The following GPHN variants were observed in gnomAD, a reference collection of about 807,000 sequenced individuals.
GPHN encodes gephyrin.
In GPHN, 17 loss-of-function variants were observed where a neutral mutation model predicts 95.5. The ratio of observed to expected loss-of-function variants is 0.18; its 90% CI spans 0.12 to 0.27. GPHN has a LOEUF of 0.27. Ranked by LOEUF, GPHN falls within the 10% of genes least tolerant of loss-of-function variation. The probability of loss-of-function intolerance (pLI) is 1.00; values close to 1 mark genes in which losing one functional copy is unlikely to be tolerated. For synonymous variants in GPHN, 320 were observed against 322.5 expected, an observed-to-expected ratio of 0.99 and a Z score of 0.08; for missense variants, 660 against 978.1, an observed-to-expected ratio of 0.67 and a Z score of 4.34.
chr14:66,974,275 A>G (rs1322091823), intron 9 of GPHN, among the ~76,000 whole-genome samples: 1 of 152,176 alleles, frequency 6.6e-6, no homozygotes, highest in Non-Finnish European at 1.5e-5. Flanking sequence ...TTTTTGGTCT[A>G]TAACTTATTT....
At chr14:66,965,081 C>G in intron 8 of GPHN, 110 bp from the exon 9 acceptor site, 2 of 876,292 alleles carry the variant, frequency 2.3e-6, no homozygotes, top group Admixed American at 3.5e-5. Context: ...GTAAGTGACA[C>G]CAAATATGTC....
At chr14:66,765,257 G>A (rs562394747) in intron 2 of GPHN, among the ~76,000 whole-genome samples, 1 of 152,212 alleles carries the variant, frequency 6.6e-6, no homozygotes, top group South Asian at 2.1e-4. Flanking sequence ...AAGCAGTGTG[G>A]CAATATTTGA....
chr14:67,211,700 G>A, the GPHN span, among the ~76,000 whole-genome samples: 1 of 152,152 alleles, frequency 6.6e-6, no homozygotes, highest in Non-Finnish European at 1.5e-5. Context: ...AAGCTACAGT[G>A]GGAGTACCAT....
At chr14:66,798,471 C>T (rs1483762757) in intron 3 of GPHN, among the ~76,000 whole-genome samples, 3 of 151,802 alleles carry the variant, frequency 2.0e-5, no homozygotes, top group African/African-American at 4.8e-5. Flanking sequence ...TATTTTATTA[C>T]AGCTTTGATC....
At chr14:66,562,330 AC>A (rs1244326668) in intron 1 of GPHN, among the ~76,000 whole-genome samples, 1 of 152,186 alleles carries the variant, frequency 6.6e-6, no homozygotes, top group East Asian at 1.9e-4. Context: ...AAATGTACTT[AC>A]CACAGAAAAT....
chr14:67,137,609 A>G (rs1192044042), intron 17 of GPHN, among the ~76,000 whole-genome samples: 1 of 152,088 alleles, frequency 6.6e-6, no homozygotes, highest in Non-Finnish European at 1.5e-5. Flanking sequence ...AAAAAACACA[A>G]AAAATATTAT....
At chr14:66,723,950 G>A (rs72728609) in intron 2 of GPHN, among the ~76,000 whole-genome samples, 9,052 of 150,934 alleles carry the variant, frequency 0.06, 364 homozygotes, top group Non-Finnish European at 0.094. Flanking sequence ...TCTATCTGGA[G>A]ATAGAAAAAT....
intron 2 of GPHN, among the ~76,000 whole-genome samples, chr14:66,743,445 A>G (rs2072973155): frequency 6.6e-6 from 1 of 152,196 alleles, no homozygotes; most frequent in African/African-American, 2.4e-5. Flanking sequence ...TTCCTTCACT[A>G]GAGCATCCAG....
intron 1 of GPHN, among the ~76,000 whole-genome samples, chr14:66,605,692 G>A (rs1264925480): frequency 2.0e-5 from 3 of 151,806 alleles, no homozygotes; most frequent in Admixed American, 6.6e-5. Flanking sequence ...ACCAAGCCCG[G>A]CTAATTTTTT....
At chr14:67,517,290 G>A in the GPHN span, among the ~76,000 whole-genome samples, 2 of 152,214 alleles carry the variant, frequency 1.3e-5, no homozygotes, top group Non-Finnish European at 2.9e-5. Flanking sequence ...CTCTCCCCCA[G>A]GCTCTGGGAG....
chr14:67,652,597 C>T, the GPHN span: 1 of 152,224 alleles, frequency 6.6e-6, no homozygotes. Context: ...CTGACAGTGC[C>T]AGCAGATTCT....
the GPHN span, chr14:67,584,226 C>T: frequency 1.8e-6 from 2 of 1,131,004 alleles, no homozygotes; most frequent in Admixed American, 2.0e-5. Flanking sequence ...TACCAGTAAC[C>T]ACCAGAGGTC....
the GPHN span, among the ~76,000 whole-genome samples, chr14:67,500,786 T>C: frequency 1.7e-4 from 26 of 151,826 alleles, no homozygotes; most frequent in Non-Finnish European, 2.4e-4. Flanking sequence ...TTAGCCAGGA[T>C]GGTCTCGATC....
intron 2 of GPHN, among the ~76,000 whole-genome samples, chr14:66,770,447 T>A (rs2059123620): frequency 6.6e-6 from 1 of 152,158 alleles, no homozygotes; most frequent in Non-Finnish European, 1.5e-5. Context: ...TGGACCAGAG[T>A]TTCTATAGTT....
At position 66,982,194 on chromosome 14, in the gene GPHN, G is replaced by C. The variant is rs1366706098; in HGVS notation, c.963+16869G>C. Among the ~76,000 whole-genome samples, 4 of 152,060 alleles carry C rather than the reference G, an allele frequency of 2.6e-5. No homozygotes were observed. The East Asian group carries it at 7.7e-4, about 29-fold the overall frequency. On this transcript the variant is annotated intron_variant, in intron 9 of 22. Coordinates refer to ENST00000478722, the MANE Select transcript of GPHN (RefSeq NM_020806.5). ...CAATTATTTTTGGCAAGAGAAGTGA[G>C]GGTGGGGCTAGATAGTTTTCTACCT...
rs2059392871 is a variant in GPHN, at chr14:66,776,673, CAGA to C, written c.201+153_201+155del. 2.0e-5 allele frequency: 13 copies of C among 661,344 alleles called. No individual in the cohort carries two copies. In the South Asian group the frequency reaches 2.1e-4, roughly 11 times the overall value. 41.0% of individuals were successfully genotyped at this position (661,344 alleles called of 1,614,324 possible). ...TAGTGAATTAAAAATTTATATGTAT[CAGA>C]TAATCACCATCAGATTTATCTGCCA... On this transcript the variant is annotated intron_variant, in intron 3 of 22. Transcript: ENST00000478722.
intron 9 of GPHN, among the ~76,000 whole-genome samples, chr14:67,021,387 G>C (rs991082404): frequency 6.6e-6 from 1 of 151,990 alleles, no homozygotes; most frequent in African/African-American, 2.4e-5. Context: ...TCAGATTCAG[G>C]GAATTGAATT....
At chr14:66,695,623 G>A (rs919354291) in intron 2 of GPHN, among the ~76,000 whole-genome samples, 3 of 152,208 alleles carry the variant, frequency 2.0e-5, no homozygotes, top group Non-Finnish European at 4.4e-5. Context: ...TTCAGTGGGT[G>A]AATGGATAAG....
the GPHN span, chr14:67,587,599 G>C: frequency 3.4e-6 from 1 of 290,696 alleles, no homozygotes; most frequent in Non-Finnish European, 6.6e-6. Context: ...TTCTTTCTGG[G>C]GGGGGCGGGG....
Sources: gnomAD v4.1 joint callset for allele counts (sites outside exome capture counted in the v4.1 genomes callset) on GRCh38, gnomAD v4.1.1 for gene constraint, MANE v1.5 for transcripts, NCBI Gene and HGNC (gene_info 2026-07-23, HGNC 2026-07-21) for gene names.